ITGA2: variants seen among roughly 807,000 people sequenced by gnomAD.
ITGA2 encodes integrin alpha-2.
Under a neutral mutation model 146.3 loss-of-function variants are expected in ITGA2, and 101 were observed. That is an observed-to-expected ratio of 0.69 (90% CI 0.59 to 0.81). The LOEUF is 0.81. ITGA2 is among the 40% of genes least tolerant of loss of function. ITGA2 has a pLI of 0.00. For synonymous variants in ITGA2, 477 were observed against 487.1 expected (o/e 0.98, Z 0.27); for missense variants, 1,281 against 1,402.7 (o/e 0.91, Z 1.39).
intron 20 of ITGA2, 74 bp from the exon 21 acceptor site, chr5:53,074,309 CTT>C: frequency 1.7e-6 from 2 of 1,146,932 alleles, no homozygotes; most frequent in Non-Finnish European, 2.6e-6. Flanking sequence ...CACTGTACCT[CTT>C]TTACCAGGTG....
chr5:53,048,825 T>G, intron 6 of ITGA2, 55 bp downstream of exon 6: 1 of 1,583,294 alleles, frequency 6.3e-7, no homozygotes, highest in Non-Finnish European at 8.7e-7. Flanking sequence ...GAAAAAAATA[T>G]TGTTAGCTAT....
Position 53,048,343 on chromosome 5 carries a change from G to A in ITGA2, c.388-20G>A. The A allele has an allele frequency of 6.3e-7, 1 of 1,582,432 alleles. No individual in the cohort carries two copies. On this transcript the variant is annotated intron_variant, in intron 4 of 29. Coordinates refer to ENST00000296585, the MANE Select transcript of ITGA2 (RefSeq NM_002203.4). ...CATTTTTCATGTGTTTCCATTGATT[G>A]TTTTCTCATTTCTTTGAAGACATGT...
chr5:53,056,086 T>C lies in ITGA2; in HGVS notation c.1033T>C (p.Ser345Pro). ...IPTERYFFNVSDEAALLEKAG... is the reference protein window; with the variant it reads ...IPTERYFFNVPDEAALLEKAG... ...AACAGAAAGATACTTTTTCAATGTG[T>C]CTGATGAAGCAGCTCTACTAGAAAA... The change falls in exon 9 of 30, where the codon TCT becomes CCT. Residue 345 changes from serine to proline, a missense_variant. Physicochemically the swap from Ser to Pro is moderately conservative, Grantham distance 74 (BLOSUM62 -1). This residue lies in a region of ITGA2 where 795 missense variants were observed against 841.7 expected (regional missense o/e 0.94). Coordinates refer to ENST00000296585, the MANE Select transcript of ITGA2 (RefSeq NM_002203.4). 6.2e-7 allele frequency: 1 copy of C among 1,612,170 alleles called. No individual in the cohort carries two copies. Among genetic ancestry groups the C allele is most frequent in the Non-Finnish European group, 8.5e-7 (1 of 1,178,874 alleles).
In ITGA2 at chr5:52,995,151, C is replaced by T. The variant is rs79606001; in HGVS notation, c.64+5619C>T. Among the ~76,000 whole-genome samples, 177 of 152,128 alleles carry T rather than the reference C, an allele frequency of 1.2e-3. 2 individuals carry two copies. The South Asian group carries it at 0.027, about 23-fold the overall frequency. On this transcript the variant is annotated intron_variant, in intron 1 of 29. Coordinates refer to ENST00000296585, the MANE Select transcript of ITGA2 (RefSeq NM_002203.4). The stretch of plus-strand genomic sequence containing the variant: ...CCACAATGTGGTATTCAAGTTGTTC[C>T]CAGAGAGTGAAAGCTGAGTTGCAGC...
chr5:53,032,039 G>C (rs1001827391), intron 2 of ITGA2, among the ~76,000 whole-genome samples: 1 of 152,156 alleles, frequency 6.6e-6, no homozygotes, highest in Admixed American at 6.5e-5. Flanking sequence ...CTCTCTGTGT[G>C]ATGAGGACTG....
intron 3 of ITGA2, among the ~76,000 whole-genome samples, chr5:53,043,835 G>A (rs1743925321): frequency 6.6e-6 from 1 of 152,124 alleles, no homozygotes; most frequent in Non-Finnish European, 1.5e-5. Flanking sequence ...ACAAAGGAAG[G>A]AGAGAAAAAT....
chr5:52,994,313 G>A (rs982812139), intron 1 of ITGA2, among the ~76,000 whole-genome samples: 1 of 152,158 alleles, frequency 6.6e-6, no homozygotes, highest in Non-Finnish European at 1.5e-5. Flanking sequence ...ACCAATTTCA[G>A]CCCCTTGTCA....
In ITGA2 at chr5:53,055,744, A is replaced by T. The variant is rs1432054767; in HGVS notation, c.930+56A>T. The T allele has an allele frequency of 4.4e-6, 7 of 1,590,572 alleles. No homozygotes were observed. In the African/African-American group the frequency reaches 5.4e-5, roughly 12 times the overall value. On this transcript the variant is annotated intron_variant, in intron 8 of 29. Coordinates refer to ENST00000296585, the MANE Select transcript of ITGA2 (RefSeq NM_002203.4). ...CGCTATTGGGTAAATCTTTCTTTAT[A>T]GCATCACTTCTCAAGGCTGCACTTT...
At chr5:53,014,075 A>G (rs1742284665) in intron 1 of ITGA2, among the ~76,000 whole-genome samples, 2 of 151,860 alleles carry the variant, frequency 1.3e-5, no homozygotes, top group Non-Finnish European at 2.9e-5. Context: ...CTCTTTTTCT[A>G]TTTGGATGCC....
chr5:53,066,936 A>C (rs949461500), intron 15 of ITGA2, among the ~76,000 whole-genome samples, 182 bp from the exon 16 acceptor site: 7 of 151,296 alleles, frequency 4.6e-5, no homozygotes, highest in African/African-American at 1.7e-4. Flanking sequence ...TCACAAATTA[A>C]AAAAAAAATT....
At chr5:53,046,252 A>G (rs1480861644) in intron 4 of ITGA2, among the ~76,000 whole-genome samples, 1 of 140,068 alleles carries the variant, frequency 7.1e-6, no homozygotes, top group Non-Finnish European at 1.6e-5. Flanking sequence ...TCAACTTTAC[A>G]CTAGTTTTAT....
Position 53,073,141 on chromosome 5 carries a change from A to G in ITGA2, c.2453A>G (p.Asn818Ser), listed in dbSNP as rs1360762698. Residue 818 changes from asparagine to serine, a missense_variant, in exon 20 of 30, where the codon AAC (asparagine) becomes AGC (serine). This residue lies in a region of ITGA2 where 475 missense variants were observed against 530.5 expected (regional missense o/e 0.90). Transcript: ENST00000296585. ...AGAGAACAACCCTTTATTGTCAGCA[A>G]CCAAAACAAAAGGTTAACATTTTCA... Reference protein sequence around the residue: ...AAQEQPFIVSNQNKRLTFSVT... With the variant: ...AAQEQPFIVSSQNKRLTFSVT... The G allele has an allele frequency of 9.9e-6, 16 of 1,612,168 alleles. No individual in the cohort carries two copies. Among genetic ancestry groups the G allele is most frequent in the Non-Finnish European group, 1.3e-5 (15 of 1,178,880 alleles).
chr5:53,062,955 G>A (rs754109231), intron 13 of ITGA2, 26 bp downstream of exon 13: 1 of 1,568,294 alleles, frequency 6.4e-7, no homozygotes. Flanking sequence ...TAAACTAATA[G>A]TTTAATTTGC....
intron 2 of ITGA2, among the ~76,000 whole-genome samples, chr5:53,040,046 G>A (rs1004800195): frequency 6.6e-5 from 10 of 151,936 alleles, no homozygotes; most frequent in South Asian, 2.1e-4. Context: ...GGGTTACCTC[G>A]AGTTAAAAGA....
chr5:53,077,105 A>ACCTTG (rs1745696292), intron 23 of ITGA2, among the ~76,000 whole-genome samples: 1 of 152,048 alleles, frequency 6.6e-6, no homozygotes, highest in Non-Finnish European at 1.5e-5. Context: ...ACTCTTCTGT[A>ACCTTG]CCTTGCATTT....
Position 53,070,271 on chromosome 5 carries a change from A to T in ITGA2, c.2235+11A>T. ...ATCATTTATATACAGGTAAGGCCTC[A>T]GGAACATCCCTTTTGACTTTATTTC... On this transcript the variant is annotated intron_variant, in intron 17 of 29. Coordinates refer to ENST00000296585, the MANE Select transcript of ITGA2 (RefSeq NM_002203.4). 1 of 1,611,234 alleles carries T rather than the reference A, an allele frequency of 6.2e-7. No homozygotes were observed. The highest frequency in any genetic ancestry group is 8.5e-7 in the Non-Finnish European group (1 of 1,178,050).
intron 4 of ITGA2, among the ~76,000 whole-genome samples, chr5:53,047,678 C>G (rs898053585): frequency 2.6e-5 from 4 of 152,160 alleles, no homozygotes; most frequent in African/African-American, 9.7e-5. Context: ...TACCCGTGGG[C>G]AGGCAGAAAA....
chr5:53,052,395 G>A (rs968050447), intron 7 of ITGA2, among the ~76,000 whole-genome samples: 1 of 152,026 alleles, frequency 6.6e-6, no homozygotes, highest in African/African-American at 2.4e-5. Context: ...ATGGTTTCCA[G>A]CTCCATCCAT....
chr5:53,033,651 G>A (rs1743346462), intron 2 of ITGA2, among the ~76,000 whole-genome samples: 1 of 152,052 alleles, frequency 6.6e-6, no homozygotes, highest in Non-Finnish European at 1.5e-5. Flanking sequence ...AGGCTGGAAT[G>A]CAGTGGCTCA....
Sources: gnomAD v4.1 joint callset for allele counts (sites outside exome capture counted in the v4.1 genomes callset) on GRCh38, gnomAD v4.1.1 for gene constraint, gnomAD v4.1.1 regional missense constraint, MANE v1.5 for transcripts, NCBI Gene and HGNC (gene_info 2026-07-23, HGNC 2026-07-21) for gene names.